The following IFT80 variants were observed in gnomAD, a reference collection of about 807,000 sequenced individuals.
IFT80 encodes intraflagellar transport protein 80 homolog.
Under a neutral mutation model 107.9 loss-of-function variants are expected in IFT80, and 79 were observed. The ratio of observed to expected loss-of-function variants is 0.73; its 90% CI spans 0.61 to 0.88. The LOEUF (loss-of-function observed/expected upper bound fraction) is 0.88. Among genes scored for constraint, IFT80 ranks in the 40% least tolerant of loss-of-function variants. The pLI is 0.00. For synonymous variants in IFT80, 299 were observed against 300.9 expected (o/e 0.99, Z 0.07); for missense variants, 797 against 914.2 (o/e 0.87, Z 1.65).
At chr3:160,356,186 C>A in intron 7 of IFT80, 36 bp from the exon 8 acceptor site, 1 of 1,587,092 alleles carries the variant, frequency 6.3e-7, no homozygotes, top group Admixed American at 1.7e-5. Context: ...TTTATAATAT[C>A]AGGGAGAAGT....
chr3:160,294,121 G>A (rs1431324794), intron 12 of IFT80, among the ~76,000 whole-genome samples: 1 of 152,186 alleles, frequency 6.6e-6, no homozygotes, highest in Admixed American at 6.5e-5. Context: ...TTTTTAGCCA[G>A]TTGGTCAGAA....
chr3:160,377,405 A>G, intron 4 of IFT80, 25 bp downstream of exon 4: 1 of 1,316,336 alleles, frequency 7.6e-7, no homozygotes, highest in Non-Finnish European at 1.1e-6. Context: ...ATTCATTTCA[A>G]ATGTCATTTT....
At chr3:160,383,961 T>A (rs1712720589) in intron 2 of IFT80, 1 of 985,340 alleles carries the variant, frequency 1.0e-6, no homozygotes, top group Non-Finnish European at 1.2e-6. Flanking sequence ...ATGCTTCATT[T>A]TGGCCAGGCG....
chr3:160,329,946 A>T (rs1428588368), intron 8 of IFT80, among the ~76,000 whole-genome samples: 1 of 152,020 alleles, frequency 6.6e-6, no homozygotes, highest in Non-Finnish European at 1.5e-5. Flanking sequence ...TCTTTCTTTG[A>T]CCAGACTCTC....
intron 6 of IFT80, among the ~76,000 whole-genome samples, chr3:160,358,111 A>C (rs1721226916): frequency 6.6e-6 from 1 of 151,842 alleles, no homozygotes; most frequent in African/African-American, 2.4e-5. Context: ...ACATTCAAGC[A>C]ATCCTCCTGC....
chr3:160,337,322 T>C (rs1309392050), intron 8 of IFT80, among the ~76,000 whole-genome samples: 1 of 152,192 alleles, frequency 6.6e-6, no homozygotes, highest in East Asian at 1.9e-4. Flanking sequence ...GATTATGACC[T>C]TTATATTTAA....
At chr3:160,391,951 G>A (rs959460497) in intron 1 of IFT80, among the ~76,000 whole-genome samples, 7 of 152,236 alleles carry the variant, frequency 4.6e-5, no homozygotes, top group Non-Finnish European at 8.8e-5. Flanking sequence ...AAACAGGGAT[G>A]TAAGGTATGA....
At chr3:160,390,708 T>C (rs1391493863) in intron 1 of IFT80, among the ~76,000 whole-genome samples, 2 of 152,206 alleles carry the variant, frequency 1.3e-5, no homozygotes, top group African/African-American at 4.8e-5. Flanking sequence ...AAAGACTATG[T>C]TTCCTAGCTG....
intron 8 of IFT80, among the ~76,000 whole-genome samples, chr3:160,322,357 A>G (rs1333750975): frequency 6.6e-6 from 1 of 151,878 alleles, no homozygotes; most frequent in African/African-American, 2.4e-5. Flanking sequence ...CCTACAAAGG[A>G]CATGAACTCA....
chr3:160,378,270 T>C (rs990602598), intron 3 of IFT80, among the ~76,000 whole-genome samples: 5 of 151,890 alleles, frequency 3.3e-5, no homozygotes, highest in African/African-American at 4.8e-5. Context: ...GACTGCAAAA[T>C]TGTGCTTAAA....
At chr3:160,307,810 A>C in intron 9 of IFT80, 29 bp from the exon 10 acceptor site, 11 of 1,088,974 alleles carry the variant, frequency 1.0e-5, no homozygotes, top group Non-Finnish European at 1.6e-5. Context: ...AATACCAATA[A>C]ACATTATAAC....
intron 6 of IFT80, among the ~76,000 whole-genome samples, chr3:160,358,053 G>A (rs1202891689): frequency 6.6e-6 from 1 of 151,994 alleles, no homozygotes; most frequent in Non-Finnish European, 1.5e-5. Context: ...CTGTCACGCA[G>A]GTTGGAGTTC....
intron 14 of IFT80, among the ~76,000 whole-genome samples, chr3:160,281,349 A>G (rs928295456): frequency 6.6e-6 from 1 of 152,198 alleles, no homozygotes; most frequent in Non-Finnish European, 1.5e-5. Flanking sequence ...GTCAGCAGGA[A>G]GCAGTTACAG....
chr3:160,375,968 C>A (rs1711982953), intron 4 of IFT80, 88 bp from the exon 5 acceptor site: 1 of 805,190 alleles, frequency 1.2e-6, no homozygotes, highest in Non-Finnish European at 2.1e-6. Context: ...TCAACAGTAT[C>A]TACCGCATAT....
chr3:160,269,861 C>T (rs1015858106), intron 18 of IFT80, among the ~76,000 whole-genome samples: 7 of 152,214 alleles, frequency 4.6e-5, no homozygotes, highest in African/African-American at 1.7e-4. Context: ...TGACATACGA[C>T]TTCTGAATAT....
chr3:160,383,770 A>G, intron 2 of IFT80: 1 of 985,372 alleles, frequency 1.0e-6, no homozygotes, highest in African/African-American at 1.7e-5. Context: ...CTGACAAAAT[A>G]TAGGGTCATG....
At chr3:160,396,444 T>TA (rs1713782900) in intron 1 of IFT80, among the ~76,000 whole-genome samples, 1 of 152,172 alleles carries the variant, frequency 6.6e-6, no homozygotes, top group Non-Finnish European at 1.5e-5. Flanking sequence ...TTCTGAAATG[T>TA]TATGACATTA....
intron 18 of IFT80, among the ~76,000 whole-genome samples, chr3:160,269,004 G>C (rs1713579244): frequency 6.6e-6 from 1 of 152,080 alleles, no homozygotes; most frequent in African/African-American, 2.4e-5. Context: ...CAAGGTGGGA[G>C]GATCACTTGA....
intron 5 of IFT80, among the ~76,000 whole-genome samples, chr3:160,369,110 T>C (rs182215844): frequency 1.3e-5 from 2 of 152,062 alleles, no homozygotes; most frequent in Admixed American, 6.6e-5. Flanking sequence ...TCTTCCCTTT[T>C]GGGACAAAGA....
Sources: gnomAD v4.1 joint callset for allele counts (sites outside exome capture counted in the v4.1 genomes callset) on GRCh38, gnomAD v4.1.1 for gene constraint, MANE v1.5 for transcripts, NCBI Gene and HGNC (gene_info 2026-07-23, HGNC 2026-07-21) for gene names.